PDILT: variants seen among roughly 807,000 people sequenced by gnomAD.
PDILT encodes the protein protein disulfide-isomerase-like protein of the testis.
A neutral mutation model predicts 53.7 loss-of-function variants in PDILT; 43 were observed. That is an observed-to-expected ratio of 0.80 (90% CI 0.63 to 1.03). PDILT has a LOEUF of 1.03. Ranked by LOEUF, PDILT falls within the 50% of genes least tolerant of loss-of-function variation. PDILT has a pLI of 0.00. For missense variants in PDILT, 727 were observed against 712.3 expected (o/e 1.02, Z -0.24); for synonymous variants, 282 against 274.2 (o/e 1.03, Z -0.28).
At chr16:20,400,820 A>G (rs1966730928) in intron 1 of PDILT, among the ~76,000 whole-genome samples, 2 of 152,146 alleles carry the variant, frequency 1.3e-5, no homozygotes, top group Non-Finnish European at 1.5e-5. Flanking sequence ...AAAGGTAAGG[A>G]TTTTTCAAAA....
At position 20,372,820 on chromosome 16, in the gene PDILT, T is replaced by G; in HGVS notation, c.900A>C (p.Ser300=). The G allele has an allele frequency of 6.2e-7, 1 of 1,614,034 alleles. No homozygotes were observed. The highest frequency in any genetic ancestry group is 2.2e-5 in the East Asian group (1 of 44,878). Residue 300 remains serine, a synonymous_variant, in exon 7 of 12, where the codon TCA becomes TCC. Transcript: ENST00000302451. ...GIIIQHYKLA[S]KEFQNKILFI... ...TACAAACCTTGTTTTGGAATTCCTTTGATGCCAGCTTATAATGCTGAATTA... is the reference window on the plus strand; with the variant it reads ...TACAAACCTTGTTTTGGAATTCCTTGGATGCCAGCTTATAATGCTGAATTA...
chr16:20,365,595 G>A, intron 8 of PDILT, 55 bp from the exon 9 acceptor site: 1 of 1,582,646 alleles, frequency 6.3e-7, no homozygotes, highest in Non-Finnish European at 8.6e-7. Flanking sequence ...TTGAAGTTGT[G>A]GGGCTCCCCA....
At chr16:20,368,749 C>T (rs1004134283) in intron 8 of PDILT, among the ~76,000 whole-genome samples, 8 of 152,006 alleles carry the variant, frequency 5.3e-5, no homozygotes, top group Non-Finnish European at 8.8e-5. Context: ...ATGCACACCA[C>T]CACACCTGGC....
intron 1 of PDILT, among the ~76,000 whole-genome samples, chr16:20,400,620 G>A (rs1460693973): frequency 6.6e-6 from 1 of 151,596 alleles, no homozygotes; most frequent in Non-Finnish European, 1.5e-5. Context: ...CTTCTATTTG[G>A]GAAATTTTGA....
chr16:20,382,852 A>G (rs1966480099), intron 3 of PDILT, among the ~76,000 whole-genome samples: 1 of 152,340 alleles, frequency 6.6e-6, no homozygotes, highest in Middle Eastern at 3.4e-3. Context: ...AGTGCTGTCA[A>G]TTCTGGCAGT....
intron 2 of PDILT, chr16:20,388,927 A>G (rs532029882): frequency 2.6e-5 from 4 of 151,184 alleles, no homozygotes; most frequent in Non-Finnish European, 5.9e-5. Flanking sequence ...AAAAAAAAAA[A>G]TTGCAAATTG....
At chr16:20,386,334 G>A (rs1011381674) in intron 2 of PDILT, among the ~76,000 whole-genome samples, 4 of 152,160 alleles carry the variant, frequency 2.6e-5, no homozygotes, top group Non-Finnish European at 5.9e-5. Flanking sequence ...CCATGACTGA[G>A]GAAGGGGGGC....
At chr16:20,376,805 G>T (rs2141602121) in intron 3 of PDILT, among the ~76,000 whole-genome samples, 1 of 152,274 alleles carries the variant, frequency 6.6e-6, no homozygotes, top group South Asian at 2.1e-4. Flanking sequence ...GCACACAAAA[G>T]TCTTAGCTTC....
intron 1 of PDILT, among the ~76,000 whole-genome samples, chr16:20,403,993 T>C (rs1037636942): frequency 5.9e-5 from 9 of 152,220 alleles, no homozygotes; most frequent in African/African-American, 1.9e-4. Context: ...CAGCACTCTC[T>C]GCCATATCAC....
At chr16:20,404,143 C>T (rs1429537830) in intron 1 of PDILT, among the ~76,000 whole-genome samples, 1 of 152,160 alleles carries the variant, frequency 6.6e-6, no homozygotes, top group East Asian at 1.9e-4. Context: ...ATTTGGAACT[C>T]AATGAATGTT....
chr16:20,375,244 A>G (rs1357124445), intron 4 of PDILT, among the ~76,000 whole-genome samples: 1 of 152,190 alleles, frequency 6.6e-6, no homozygotes, highest in Admixed American at 6.5e-5. Flanking sequence ...GACTTTTAAC[A>G]TTTATTCCTT....
At chr16:20,403,889 C>T (rs554659385) in intron 1 of PDILT, among the ~76,000 whole-genome samples, 1 of 152,166 alleles carries the variant, frequency 6.6e-6, no homozygotes, top group Admixed American at 6.5e-5. Flanking sequence ...TCCCTCACAT[C>T]GTCAGCCTTT....
At chr16:20,377,276 A>T (rs1966400778) in intron 3 of PDILT, among the ~76,000 whole-genome samples, 1 of 152,242 alleles carries the variant, frequency 6.6e-6, no homozygotes, top group African/African-American at 2.4e-5. Context: ...TTGTCTCTAA[A>T]ATAAATAAAT....
chr16:20,389,654 C>T (rs1282483096), intron 2 of PDILT, among the ~76,000 whole-genome samples: 9 of 152,106 alleles, frequency 5.9e-5, no homozygotes, highest in Admixed American at 5.9e-4. Flanking sequence ...GCAATGGCTC[C>T]CTGACTGTCT....
Position 20,359,539 on chromosome 16 carries a change from A to G in PDILT, c.1535T>C (p.Ile512Thr), listed in dbSNP as rs377018491. The G allele has an allele frequency of 2.4e-5, 38 of 1,613,968 alleles. No homozygotes were observed. Among genetic ancestry groups the G allele is most frequent in the Non-Finnish European group, 3.0e-5 (35 of 1,179,996 alleles). ...ELLSVEQNEV[I>T]EEEVLAEEKE... ...TTCCTCAGCTAGCACTTCCTCTTCT[A>G]TCACTTCATTTTGCTCAACAGACAA... The change falls in exon 12 of 12, where the codon ATA becomes ACA. Residue 512 changes from isoleucine (I) to threonine (T), a missense_variant. Physicochemically the swap from Ile to Thr is moderately conservative, Grantham distance 89. Coordinates refer to ENST00000302451, the MANE Select transcript of PDILT (RefSeq NM_174924.2).
At chr16:20,374,170 G>C (rs1390543822) in intron 5 of PDILT, among the ~76,000 whole-genome samples, 1 of 151,528 alleles carries the variant, frequency 6.6e-6, no homozygotes, top group Non-Finnish European at 1.5e-5. Flanking sequence ...CGAACCCTAG[G>C]CATAAGGCTT....
At chr16:20,375,856 A>T (rs1000699152) in intron 4 of PDILT, among the ~76,000 whole-genome samples, 5 of 151,834 alleles carry the variant, frequency 3.3e-5, no homozygotes, top group Non-Finnish European at 7.3e-5. Context: ...ATGATTAGCC[A>T]CACTGTTAAA....
intron 7 of PDILT, among the ~76,000 whole-genome samples, chr16:20,371,705 T>C (rs1320529427): frequency 6.6e-6 from 1 of 151,952 alleles, no homozygotes; most frequent in Non-Finnish European, 1.5e-5. Flanking sequence ...CCAGGGAGAT[T>C]GAAGAGTTAA....
intron 2 of PDILT, among the ~76,000 whole-genome samples, chr16:20,385,396 T>C (rs1284980255): frequency 6.6e-6 from 1 of 152,194 alleles, no homozygotes; most frequent in Non-Finnish European, 1.5e-5. Flanking sequence ...TGTCTGGCTG[T>C]AGAGTTCTTT....
Sources: gnomAD v4.1 joint callset for allele counts (sites outside exome capture counted in the v4.1 genomes callset) on GRCh38, gnomAD v4.1.1 for gene constraint, MANE v1.5 for transcripts, NCBI Gene and HGNC (gene_info 2026-07-23, HGNC 2026-07-21) for gene names.